CDC42BPB: variants seen among roughly 807,000 people sequenced by gnomAD.
The protein encoded by CDC42BPB is serine/threonine-protein kinase MRCK beta.
In CDC42BPB, 37 loss-of-function variants were observed where a neutral mutation model predicts 214.9. The ratio of observed to expected loss-of-function variants is 0.17; its 90% CI spans 0.13 to 0.23. The LOEUF is 0.23. Ranked by LOEUF, CDC42BPB falls within the 10% of genes least tolerant of loss-of-function variation. The pLI, the probability that CDC42BPB is intolerant of heterozygous loss-of-function variation, is 1.00. For missense variants in CDC42BPB, 1,694 were observed against 2,227.0 expected, an observed-to-expected ratio of 0.76 and a Z score of 4.82; for synonymous variants, 931 against 884.0, an observed-to-expected ratio of 1.05 and a Z score of -0.94.
intron 18 of CDC42BPB, 166 bp from the exon 19 acceptor site, chr14:102,964,816 T>G (rs2139445093): frequency 1.0e-6 from 1 of 958,116 alleles, no homozygotes; most frequent in South Asian, 4.8e-5. Flanking sequence ...TGATATTTTA[T>G]GACTTTTTTT....
chr14:102,967,401 T>C (rs1019491345), intron 16 of CDC42BPB: 14 of 974,552 alleles, frequency 1.4e-5, no homozygotes, highest in Middle Eastern at 5.2e-4. Context: ...CTTCAGGCAA[T>C]TGGCATCTTT....
At chr14:102,945,376 C>G (rs1420371967) in intron 29 of CDC42BPB, 1 of 533,618 alleles carries the variant, frequency 1.9e-6, no homozygotes, top group African/African-American at 1.9e-5. Flanking sequence ...CAAGTGAAGC[C>G]TCAGCACATG....
At chr14:102,992,485 C>T (rs563771193) in intron 5 of CDC42BPB, among the ~76,000 whole-genome samples, 7 of 152,302 alleles carry the variant, frequency 4.6e-5, no homozygotes, top group African/African-American at 1.4e-4. Flanking sequence ...CCTCTCGTTA[C>T]GGAAGAGGCA....
chr14:103,020,962 C>G (rs1011609154), intron 1 of CDC42BPB, among the ~76,000 whole-genome samples: 2 of 152,246 alleles, frequency 1.3e-5, no homozygotes, highest in Non-Finnish European at 2.9e-5. Context: ...ACAGACCCCT[C>G]TCATCAGGAA....
At chr14:102,938,509 T>C in intron 34 of CDC42BPB, 98 bp from the exon 35 acceptor site, 1 of 1,460,472 alleles carries the variant, frequency 6.8e-7, no homozygotes, top group Non-Finnish European at 9.0e-7. Flanking sequence ...CCTCGTGACC[T>C]TGATGAGCAA....
At position 102,944,126 on chromosome 14, in the gene CDC42BPB, A is replaced by C. The variant is rs1199590705; in HGVS notation, c.4173T>G (p.Pro1391=). ...VLRDRLCVGY[P]SGFCLLSIQG... The stretch of plus-strand genomic sequence containing the variant: ...GGATGCTCAGCAGGCAGAACCCAGA[A>C]GGGTAGCCCACACAGAGCCTGTCCC... Residue 1391 remains proline, a synonymous_variant, in exon 30 of 37, where the codon CCT becomes CCG. Transcript: ENST00000361246. This position sits in a 1 kb window ranked among gnomAD's most constrained non-coding sequence, Gnocchi z 6.6. 1 of 1,613,140 alleles carries C rather than the reference A, an allele frequency of 6.2e-7. No individual in the cohort carries two copies. Among genetic ancestry groups the C allele is most frequent in the East Asian group, 2.2e-5 (1 of 44,888 alleles).
At chr14:103,039,115 A>C (rs189560870) in intron 1 of CDC42BPB, among the ~76,000 whole-genome samples, 55 of 151,452 alleles carry the variant, frequency 3.6e-4, no homozygotes, top group Middle Eastern at 6.8e-3. Flanking sequence ...CAACAGGCAC[A>C]AAGATTGAAC....
intron 1 of CDC42BPB, among the ~76,000 whole-genome samples, chr14:103,043,180 G>A (rs1256046415): frequency 6.6e-6 from 1 of 152,114 alleles, no homozygotes; most frequent in African/African-American, 2.4e-5. Context: ...AGAGATGGAG[G>A]TTGCAATGAG....
rs1161667655 is a variant in CDC42BPB at position 103,018,089 on chromosome 14, A to C, written c.176-5901T>G. Among the ~76,000 whole-genome samples, 32 of 152,312 alleles carry C rather than the reference A, an allele frequency of 2.1e-4. 1 individual carries two copies. The highest frequency in any genetic ancestry group is 4.4e-5 in the Non-Finnish European group (3 of 68,034). On this transcript the variant is annotated intron_variant, in intron 1 of 36. Coordinates refer to ENST00000361246, the MANE Select transcript of CDC42BPB (RefSeq NM_006035.4). The stretch of plus-strand genomic sequence containing the variant: ...GATCATCAGGCACTGGACTCTCATA[A>C]GCAGCATGCAACATAGATCCCTCAA...
intron 18 of CDC42BPB, among the ~76,000 whole-genome samples, chr14:102,965,118 G>A (rs1264438942): frequency 3.3e-5 from 5 of 151,918 alleles, no homozygotes; most frequent in Admixed American, 1.3e-4. Flanking sequence ...ATTTTTAGTA[G>A]AGACAGGGTT....
intron 19 of CDC42BPB, 33 bp downstream of exon 19, chr14:102,964,469 T>C (rs1310577384): frequency 1.9e-6 from 3 of 1,609,906 alleles, no homozygotes; most frequent in South Asian, 1.1e-5. Context: ...CAGCCACTGC[T>C]CCTACCTGGA....
chr14:103,017,254 G>A (rs1886517262), intron 1 of CDC42BPB, among the ~76,000 whole-genome samples: 1 of 152,168 alleles, frequency 6.6e-6, no homozygotes, highest in South Asian at 2.1e-4. Context: ...CCCGGGAGGT[G>A]GAGGCTGCAG....
At position 102,944,939 on chromosome 14, in the gene CDC42BPB, T is replaced by C. The variant is rs1892084551; in HGVS notation, c.3812-452A>G. ...CACTGGGACCCTGAGACAAATCCTC[T>C]GAAGACGCTGCCCTCACAGGGCCCC... is the stretch of plus-strand genomic sequence containing the variant. On this transcript the variant is annotated intron_variant, in intron 29 of 36. Coordinates refer to ENST00000361246, the MANE Select transcript of CDC42BPB (RefSeq NM_006035.4). The surrounding 1 kb of genome is among the most constrained non-coding windows in gnomAD (Gnocchi z 6.6). 6.6e-6 allele frequency among the ~76,000 whole-genome samples: 1 copy of C among 152,168 alleles called. No homozygotes were observed.
intron 17 of CDC42BPB, 85 bp from the exon 18 acceptor site, chr14:102,966,472 C>T (rs2139451709): frequency 3.8e-6 from 6 of 1,560,612 alleles, no homozygotes; most frequent in Non-Finnish European, 4.4e-6. Context: ...CCGCCTTCCT[C>T]GGCACACAGT....
Position 103,001,918 on chromosome 14 carries a change from AACGCGGGAGCTCGTGAGGCAG to A in CDC42BPB, c.447+1989_447+2009del, listed in dbSNP as rs1895003587. 6.6e-6 allele frequency among the ~76,000 whole-genome samples: 1 copy of A among 152,220 alleles called. No homozygotes were observed. Among genetic ancestry groups the A allele is most frequent in the Non-Finnish European group, 1.5e-5 (1 of 68,044 alleles). ...TGGAGCATGGTCTCTGAGGAAAGCTAACGCGGGAGCTCGTGAGGCAGACGGCGGAGGCCCACTCCAGAATGA... is the reference window on the plus strand; with the variant it reads ...TGGAGCATGGTCTCTGAGGAAAGCTAACGGCGGAGGCCCACTCCAGAATGA... On this transcript the variant is annotated intron_variant, in intron 4 of 36. Transcript: ENST00000361246. This position sits in a 1 kb window ranked among gnomAD's most constrained non-coding sequence, Gnocchi z 5.8.
Position 103,007,648 on chromosome 14 carries a change from C to T in CDC42BPB, c.351+824G>A, listed in dbSNP as rs35228184. On this transcript the variant is annotated intron_variant, in intron 3 of 36. Coordinates refer to ENST00000361246, the MANE Select transcript of CDC42BPB (RefSeq NM_006035.4). ...CCGCAGCGCTGCCAGGCACAGGCCTCGCTCAGGGCGGGTCAGAGACACACG... is the reference window on the plus strand; with the variant it reads ...CCGCAGCGCTGCCAGGCACAGGCCTTGCTCAGGGCGGGTCAGAGACACACG... Among the ~76,000 whole-genome samples the T allele has an allele frequency of 8.4e-3, 1,283 of 152,346 alleles. 25 individuals carry two copies. The highest frequency in any genetic ancestry group is 0.028 in the African/African-American group (1,174 of 41,588).
chr14:103,041,802 G>T (rs187625483), intron 1 of CDC42BPB: 2 of 428,786 alleles, frequency 4.7e-6, no homozygotes, highest in African/African-American at 2.1e-5. Context: ...TGCAGGCCAA[G>T]GTGCGGCGGC....
intron 20 of CDC42BPB, among the ~76,000 whole-genome samples, chr14:102,962,498 T>C (rs139416100): frequency 1.3e-3 from 199 of 152,352 alleles, no homozygotes; most frequent in African/African-American, 4.5e-3. Context: ...TTTTGTGTTA[T>C]CAGGGGATAC....
rs757047749 is a variant in CDC42BPB, at chr14:102,964,564, C to A, written c.2664G>T (p.Arg888=). 1.9e-6 allele frequency: 3 copies of A among 1,613,840 alleles called. No individual in the cohort carries two copies. Reference sequence around the variant, plus strand: ...GCTCCTCCTGGACAAGCTGCTTGGCCCGGATCTCCGCCTCCAGGGCCGACT... The same window carrying A: ...GCTCCTCCTGGACAAGCTGCTTGGCACGGATCTCCGCCTCCAGGGCCGACT... ...ELQSALEAEI[R]AKQLVQEELR... The change falls in exon 19 of 37, where the codon CGG becomes CGT. Residue 888 remains arginine (R), a synonymous_variant. Transcript: ENST00000361246.
Sources: allele counts gnomAD v4.1 joint callset (sites outside exome capture counted in the v4.1 genomes callset), GRCh38; gene constraint gnomAD v4.1.1; non-coding constraint Gnocchi (gnomAD v3.1); transcripts MANE v1.5; gene names NCBI Gene and HGNC (gene_info 2026-07-23, HGNC 2026-07-21).